The following LRMDA variants were observed in gnomAD, a reference collection of about 807,000 sequenced individuals.
LRMDA encodes leucine-rich melanocyte differentiation-associated protein.
Under a neutral mutation model 29.8 loss-of-function variants are expected in LRMDA, and 18 were observed. The observed-to-expected ratio is 0.60, with a 90% CI of 0.42 to 0.90. The LOEUF (loss-of-function observed/expected upper bound fraction) is 0.90, where lower values mean the gene tolerates loss of function less well. Ranked by LOEUF, LRMDA falls within the 40% of genes least tolerant of loss-of-function variation. The pLI, the probability that LRMDA is intolerant of heterozygous loss-of-function variation, is 0.00. For synonymous variants in LRMDA, 125 were observed against 109.4 expected (o/e 1.14, Z -0.89); for missense variants, 273 against 273.9 (o/e 1.00, Z 0.02).
At chr10:76,192,111 G>C (rs142345840) in intron 5 of LRMDA, among the ~76,000 whole-genome samples, 1 of 152,272 alleles carries the variant, frequency 6.6e-6, no homozygotes, top group African/African-American at 2.4e-5. Context: ...TGCTTCCCAA[G>C]TCTGTTACCA....
At chr10:76,286,412 A>G (rs1219016046) in intron 5 of LRMDA, among the ~76,000 whole-genome samples, 1 of 152,156 alleles carries the variant, frequency 6.6e-6, no homozygotes, top group Non-Finnish European at 1.5e-5. Context: ...ATTGTTCCAC[A>G]TTTTTAAAGT....
intron 6 of LRMDA, among the ~76,000 whole-genome samples, chr10:76,491,964 C>G (rs1842837819): frequency 6.6e-6 from 1 of 151,998 alleles, no homozygotes; most frequent in African/African-American, 2.4e-5. Context: ...CTTATCAGCT[C>G]TGCTGATAGG....
intron 2 of LRMDA, among the ~76,000 whole-genome samples, chr10:75,665,160 T>C (rs374770882): frequency 6.6e-6 from 1 of 152,214 alleles, no homozygotes; most frequent in East Asian, 1.9e-4. Flanking sequence ...CCTGATGAAA[T>C]AGTTTCTTCA....
chr10:75,432,374 A>G (rs1185605457), intron 1 of LRMDA, among the ~76,000 whole-genome samples: 4 of 152,196 alleles, frequency 2.6e-5, no homozygotes, highest in African/African-American at 9.6e-5. Flanking sequence ...TTTCTTGAAC[A>G]GGAGTCTGTG....
At chr10:76,186,577 C>T (rs995723636) in intron 5 of LRMDA, among the ~76,000 whole-genome samples, 1 of 152,200 alleles carries the variant, frequency 6.6e-6, no homozygotes, top group African/African-American at 2.4e-5. Flanking sequence ...TGGGTTAGGA[C>T]CACCCTCCGC....
At chr10:76,342,254 G>C (rs1297884929) in intron 6 of LRMDA, among the ~76,000 whole-genome samples, 1 of 152,106 alleles carries the variant, frequency 6.6e-6, no homozygotes, top group Admixed American at 6.5e-5. Context: ...AACATATATG[G>C]TTAAGAATTC....
chr10:75,937,427 G>C (rs1308979300), intron 2 of LRMDA, among the ~76,000 whole-genome samples: 2 of 152,124 alleles, frequency 1.3e-5, no homozygotes, highest in East Asian at 1.9e-4. Context: ...GCCCTCACAG[G>C]GTTATCCCCA....
intron 2 of LRMDA, among the ~76,000 whole-genome samples, chr10:76,011,651 G>A (rs1194952641): frequency 6.6e-6 from 1 of 152,136 alleles, no homozygotes; most frequent in Non-Finnish European, 1.5e-5. Context: ...TAAGATTAAC[G>A]CCTCCGAGCC....
rs541438974 is a variant in LRMDA, at chr10:75,913,412, C to T, written c.132-122596C>T. The stretch of plus-strand genomic sequence containing the variant: ...CAGAGGTTGCAGTGAGCCAAGATCG[C>T]GCCACTGCACTCCAGCCTGGACGAC... On this transcript the variant is annotated intron_variant, in intron 2 of 6. Coordinates refer to ENST00000611255, the MANE Select transcript of LRMDA (RefSeq NM_001305581.2). 4.0e-5 allele frequency among the ~76,000 whole-genome samples: 6 copies of T among 151,862 alleles called. No individual in the cohort carries two copies. In the South Asian group the frequency reaches 6.3e-4, roughly 16 times the overall value.
chr10:76,251,355 C>T (rs10400004), intron 5 of LRMDA, among the ~76,000 whole-genome samples: 9,720 of 149,472 alleles, frequency 0.065, 1,057 homozygotes, highest in African/African-American at 0.22. Context: ...CGGGTTCACG[C>T]CATTCTCCTG....
chr10:76,074,306 C>T (rs1054603501), intron 5 of LRMDA, among the ~76,000 whole-genome samples: 5 of 152,086 alleles, frequency 3.3e-5, no homozygotes, highest in African/African-American at 1.2e-4. Context: ...TAATCTTTTT[C>T]TTGTTACATT....
At chr10:76,244,227 G>C (rs927432911) in intron 5 of LRMDA, among the ~76,000 whole-genome samples, 1 of 152,076 alleles carries the variant, frequency 6.6e-6, no homozygotes, top group African/African-American at 2.4e-5. Flanking sequence ...TCTCAGTATC[G>C]TGAGGACCGT....
chr10:75,503,664 A>G (rs1232592060), intron 2 of LRMDA, among the ~76,000 whole-genome samples: 2 of 152,174 alleles, frequency 1.3e-5, no homozygotes, highest in African/African-American at 2.4e-5. Flanking sequence ...GTTTGCATCA[A>G]GGTGGCTGTC....
Position 75,758,557 on chromosome 10 carries a change from C to T in LRMDA, c.132-277451C>T, listed in dbSNP as rs563400974. Among the ~76,000 whole-genome samples the T allele has an allele frequency of 1.6e-4, 24 of 152,258 alleles. No homozygotes were observed. The South Asian group carries it at 4.4e-3, about 28-fold the overall frequency. ...AGTGAGGCAAATGCTAGGCTGGGTC[C>T]GCCAAATGGAGGCTTCCTAAGGGCA... On this transcript the variant is annotated intron_variant, in intron 2 of 6. Transcript: ENST00000611255.
chr10:76,002,191 C>T lies in LRMDA; in HGVS notation c.132-33817C>T, dbSNP rs557465533. 2.1e-3 allele frequency among the ~76,000 whole-genome samples: 314 copies of T among 152,284 alleles called. 3 individuals carry two copies. The highest frequency in any genetic ancestry group is 7.4e-3 in the African/African-American group (309 of 41,554). ...CATGGTAGAGACAGCACACCCTGTT[C>T]ACTCTTCTTCTGAGGGCACCAGTCC... On this transcript the variant is annotated intron_variant, in intron 2 of 6. Coordinates refer to ENST00000611255, the MANE Select transcript of LRMDA (RefSeq NM_001305581.2).
intron 2 of LRMDA, among the ~76,000 whole-genome samples, chr10:75,761,863 G>A (rs1195670134): frequency 6.6e-6 from 1 of 150,544 alleles, no homozygotes; most frequent in Non-Finnish European, 1.5e-5. Context: ...GAATGCAGTG[G>A]TATCTTGGCT....
chr10:76,476,469 T>G (rs946901150), intron 6 of LRMDA, among the ~76,000 whole-genome samples: 15 of 151,772 alleles, frequency 9.9e-5, no homozygotes, highest in African/African-American at 3.1e-4. Context: ...TCTACCAGAG[T>G]TACAAGGAGG....
chr10:75,874,476 A>G (rs2146595), intron 2 of LRMDA, among the ~76,000 whole-genome samples: 101,292 of 152,166 alleles, frequency 0.67, 34,987 homozygotes, highest in East Asian at 0.93. Context: ...CTTAATAAGC[A>G]CATTTCTCTT....
At chr10:76,044,439 G>GTTTTT (rs3042545) in intron 3 of LRMDA, among the ~76,000 whole-genome samples, 1 of 137,020 alleles carries the variant, frequency 7.3e-6, no homozygotes, top group Non-Finnish European at 1.6e-5. Context: ...TTTTTTCTTT[G>GTTTTT]TTTTTTTTTT....
Sources: gnomAD v4.1 joint callset for allele counts (sites outside exome capture counted in the v4.1 genomes callset) on GRCh38, gnomAD v4.1.1 for gene constraint, MANE v1.5 for transcripts, NCBI Gene and HGNC (gene_info 2026-07-23, HGNC 2026-07-21) for gene names.